The following FNDC3B variants were observed in gnomAD, a reference collection of about 807,000 sequenced individuals.
FNDC3B encodes the protein fibronectin type III domain-containing protein 3B.
A neutral mutation model predicts 151.5 loss-of-function variants in FNDC3B; 12 were observed. The observed-to-expected ratio is 0.08, with a 90% CI of 0.05 to 0.13. The LOEUF (loss-of-function observed/expected upper bound fraction) is 0.13, where lower values mean the gene tolerates loss of function less well. Among genes scored for constraint, FNDC3B ranks in the 10% least tolerant of loss-of-function variants. The pLI, the probability that FNDC3B is intolerant of heterozygous loss-of-function variation, is 1.00. For missense variants in FNDC3B, 1,214 were observed against 1,505.3 expected (o/e 0.81, Z 3.20); for synonymous variants, 528 against 549.0 (o/e 0.96, Z 0.54).
At chr3:172,162,669 T>C (rs1369920702) in intron 3 of FNDC3B, among the ~76,000 whole-genome samples, 2 of 152,072 alleles carry the variant, frequency 1.3e-5, no homozygotes, top group African/African-American at 4.8e-5. Flanking sequence ...GTTTTTTTTT[T>C]TTTTTTGGTC....
At chr3:172,263,789 ACAT>A (rs372519203) in intron 6 of FNDC3B, among the ~76,000 whole-genome samples, 5 of 152,248 alleles carry the variant, frequency 3.3e-5, no homozygotes, top group African/African-American at 9.6e-5. Flanking sequence ...AGTGGTCTCA[ACAT>A]CATCTACAAC....
chr3:172,123,886 T>C (rs1446756693), intron 2 of FNDC3B, among the ~76,000 whole-genome samples: 1 of 152,196 alleles, frequency 6.6e-6, no homozygotes, highest in African/African-American at 2.4e-5. Flanking sequence ...AGATACTAGG[T>C]TTATCTATAT....
chr3:172,064,990 T>C (rs1169296925), intron 1 of FNDC3B, among the ~76,000 whole-genome samples: 2 of 152,198 alleles, frequency 1.3e-5, no homozygotes, highest in African/African-American at 4.8e-5. Context: ...ACCCCATGTT[T>C]ATTGCAACCT....
intron 13 of FNDC3B, among the ~76,000 whole-genome samples, chr3:172,331,437 A>G (rs1217444876): frequency 6.6e-6 from 1 of 151,994 alleles, no homozygotes; most frequent in Non-Finnish European, 1.5e-5. Flanking sequence ...GGCTCACCTC[A>G]AGCTCCGCCT....
chr3:172,347,764 C>T (rs1338577111), intron 21 of FNDC3B, among the ~76,000 whole-genome samples: 5 of 152,064 alleles, frequency 3.3e-5, no homozygotes, highest in Admixed American at 2.6e-4. Flanking sequence ...AATTATTTTA[C>T]GAGCTGTTAA....
chr3:172,296,832 AT>A (rs1374515222), intron 8 of FNDC3B, among the ~76,000 whole-genome samples: 1 of 152,114 alleles, frequency 6.6e-6, no homozygotes, highest in African/African-American at 2.4e-5. Flanking sequence ...TATTCACGGG[AT>A]ATGAGACCTG....
chr3:172,235,456 T>C (rs1366672714), intron 4 of FNDC3B, among the ~76,000 whole-genome samples: 3 of 152,226 alleles, frequency 2.0e-5, no homozygotes, highest in African/African-American at 7.2e-5. Context: ...GTTAAGGCTC[T>C]TGCCCCTTTT....
chr3:172,257,100 G>C (rs1195720991), intron 6 of FNDC3B, among the ~76,000 whole-genome samples: 1 of 152,072 alleles, frequency 6.6e-6, no homozygotes, highest in African/African-American at 2.4e-5. Flanking sequence ...TAGTGGAGAT[G>C]GGGTTTCGCC....
At chr3:172,262,894 C>CAAAAAAAAACAAAAAAAAA in intron 6 of FNDC3B, among the ~76,000 whole-genome samples, 1 of 60,636 alleles carries the variant, frequency 1.6e-5, no homozygotes, top group Non-Finnish European at 3.0e-5. Context: ...GAGACCGACT[C>CAAAAAAAAACAAAAAAAAA]AAAAAAAAAA....
chr3:172,179,550 G>A lies in FNDC3B; in HGVS notation c.187+46004G>A, dbSNP rs563031416. On this transcript the variant is annotated intron_variant, in intron 3 of 25. Transcript: ENST00000415807. Reference sequence around the variant, plus strand: ...ACACAAACTTCCTCCCTCCCCCACTGTATCCCCTCCCCCACCACCTCCGAC... The same window carrying A: ...ACACAAACTTCCTCCCTCCCCCACTATATCCCCTCCCCCACCACCTCCGAC... Among the ~76,000 whole-genome samples, 16 of 143,900 alleles carry A rather than the reference G, an allele frequency of 1.1e-4. No individual in the cohort carries two copies. The South Asian group carries it at 3.2e-3, about 29-fold the overall frequency. 94.4% of individuals were successfully genotyped at this position (143,900 alleles called of 152,430 possible).
intron 4 of FNDC3B, among the ~76,000 whole-genome samples, chr3:172,228,932 A>G (rs1726731586): frequency 6.6e-6 from 1 of 152,162 alleles, no homozygotes; most frequent in Non-Finnish European, 1.5e-5. Flanking sequence ...AGCCAACAGG[A>G]TGTGTACACA....
At chr3:172,216,400 C>T (rs886073897) in intron 3 of FNDC3B, among the ~76,000 whole-genome samples, 1 of 152,180 alleles carries the variant, frequency 6.6e-6, no homozygotes, top group African/African-American at 2.4e-5. Context: ...GGCACAGTAA[C>T]TCGCACCTGT....
intron 3 of FNDC3B, among the ~76,000 whole-genome samples, chr3:172,201,572 T>C (rs1043430603): frequency 3.9e-5 from 6 of 152,194 alleles, no homozygotes; most frequent in Non-Finnish European, 1.5e-5. Flanking sequence ...TATTTCCCTG[T>C]GGTTGTCTAA....
intron 7 of FNDC3B, among the ~76,000 whole-genome samples, chr3:172,287,344 C>T (rs1238108034): frequency 6.6e-6 from 1 of 152,164 alleles, no homozygotes; most frequent in African/African-American, 2.4e-5. Flanking sequence ...AAGATAGATA[C>T]AGCGGGCGGT....
At position 172,352,978 on chromosome 3, in the gene FNDC3B, G is replaced by T; in HGVS notation, c.2690G>T (p.Gly897Val). Residue 897 changes from glycine (G) to valine (V), a missense_variant, in exon 22 of 26, where the codon GGA becomes GTA. By Grantham distance (109) the Gly-to-Val change is moderately radical (BLOSUM62 -3). Transcript: ENST00000415807. This position sits in a 1 kb window ranked among gnomAD's most constrained non-coding sequence, Gnocchi z 4.2. ...AACTGGGAAGAGCCGTGCAATAACG[G>T]ATCTGAAATCCTTGCTTACACCATT... ...VLNWEEPCNN[G>V]SEILAYTIDL... is the part of the protein sequence containing the mutation. 6.2e-7 allele frequency: 1 copy of T among 1,614,174 alleles called. No homozygotes were observed. The highest frequency in any genetic ancestry group is 8.5e-7 in the Non-Finnish European group (1 of 1,180,042).
At chr3:172,180,819 T>A (rs113684309) in intron 3 of FNDC3B, among the ~76,000 whole-genome samples, 60 of 152,346 alleles carry the variant, frequency 3.9e-4, no homozygotes, top group African/African-American at 1.4e-3. Flanking sequence ...GTTCTAAAGC[T>A]GGCATTACTT....
chr3:172,068,093 C>T (rs1381511609), intron 1 of FNDC3B, among the ~76,000 whole-genome samples: 3 of 152,194 alleles, frequency 2.0e-5, no homozygotes, highest in Admixed American at 2.0e-4. Flanking sequence ...GGATCCCATT[C>T]TGTAGCCCCT....
intron 23 of FNDC3B, among the ~76,000 whole-genome samples, chr3:172,364,084 G>A (rs1466105278): frequency 1.3e-5 from 2 of 152,168 alleles, no homozygotes; most frequent in East Asian, 3.8e-4. Flanking sequence ...CACAGGGGAG[G>A]TAAAGCTTCT....
At chr3:172,239,336 C>T (rs1042286554) in intron 4 of FNDC3B, among the ~76,000 whole-genome samples, 1 of 152,172 alleles carries the variant, frequency 6.6e-6, no homozygotes, top group Non-Finnish European at 1.5e-5. Context: ...TGTTCGCATG[C>T]TCACTTTTAT....
Sources: allele counts gnomAD v4.1 joint callset (sites outside exome capture counted in the v4.1 genomes callset), GRCh38; gene constraint gnomAD v4.1.1; non-coding constraint Gnocchi (gnomAD v3.1); transcripts MANE v1.5; gene names NCBI Gene and HGNC (gene_info 2026-07-23, HGNC 2026-07-21).